SYMPK: variants seen among roughly 807,000 people sequenced by gnomAD.
The protein encoded by SYMPK is symplekin scaffold protein, also known as symplekin.
Under a neutral mutation model 136.4 loss-of-function variants are expected in SYMPK, and 49 were observed. The observed-to-expected ratio is 0.36, with a 90% CI of 0.29 to 0.46. SYMPK has a LOEUF of 0.46. Among genes scored for constraint, SYMPK ranks in the 20% least tolerant of loss-of-function variants. SYMPK has a pLI of 1.00. For missense variants in SYMPK, 1,365 were observed against 1,690.0 expected, an observed-to-expected ratio of 0.81 and a Z score of 3.37; for synonymous variants, 766 against 713.0, an observed-to-expected ratio of 1.07 and a Z score of -1.19.
In SYMPK at chr19:45,831,480, G is replaced by A. The variant is rs186314633; in HGVS notation, c.1502C>T (p.Ser501Leu). The A allele has an allele frequency of 1.2e-5, 19 of 1,610,730 alleles. No homozygotes were observed. Among genetic ancestry groups the A allele is most frequent in the Admixed American group, 6.7e-5 (4 of 59,644 alleles). ...CATGGAGCTCAGGGAACCCACCACC[G>A]AGATGGCTTGGCCCTGGGCTGACAG... Reference protein sequence around the residue: ...RRLSAQGQAISVVGSLSSMSP... With the variant: ...RRLSAQGQAILVVGSLSSMSP... Residue 501 changes from serine to leucine, a missense_variant, in exon 12 of 27, where the codon TCG becomes TTG. Transcript: ENST00000245934.
intron 7 of SYMPK, 138 bp from the exon 8 acceptor site, chr19:45,844,338 T>C (rs1285538846): frequency 1.6e-6 from 1 of 644,496 alleles, no homozygotes; most frequent in Non-Finnish European, 2.5e-6. Context: ...GAAAATGTGG[T>C]GGTTGATTAG....
At chr19:45,823,275 C>T in intron 20 of SYMPK, 97 bp downstream of exon 20, 5 of 1,249,346 alleles carry the variant, frequency 4.0e-6, no homozygotes, top group Non-Finnish European at 2.3e-6. Flanking sequence ...CTGCTATGTG[C>T]CTCTGGCTCA....
chr19:45,860,405 C>A (rs1971935918), intron 1 of SYMPK, among the ~76,000 whole-genome samples: 2 of 151,308 alleles, frequency 1.3e-5, no homozygotes, highest in South Asian at 4.2e-4. Flanking sequence ...TTGCAGTGAG[C>A]CGAGGTCACA....
At chr19:45,852,262 A>T in intron 5 of SYMPK, 50 bp downstream of exon 5, 2 of 1,605,334 alleles carry the variant, frequency 1.2e-6, no homozygotes, top group South Asian at 2.2e-5. Context: ...CACGAGCTGA[A>T]GGCTGCCACC....
At chr19:45,852,870 A>C (rs962215921) in intron 3 of SYMPK, among the ~76,000 whole-genome samples, 5 of 152,180 alleles carry the variant, frequency 3.3e-5, no homozygotes, top group Non-Finnish European at 7.3e-5. Context: ...CCCAAGGCTC[A>C]GGCCTTCCTG....
chr19:45,854,087 G>C, intron 3 of SYMPK, 88 bp downstream of exon 3: 1 of 1,252,286 alleles, frequency 8.0e-7, no homozygotes, highest in Non-Finnish European at 1.2e-6. Flanking sequence ...TGTAAATGTG[G>C]ACACTGGTGT....
intron 8 of SYMPK, 73 bp downstream of exon 8, chr19:45,843,957 A>C: frequency 9.7e-7 from 1 of 1,028,196 alleles, no homozygotes; most frequent in East Asian, 4.0e-5. Context: ...AAAAAAAAAA[A>C]AAAAAAAAAA....
At chr19:45,835,300 AAT>A in intron 10 of SYMPK, 72 bp from the exon 11 acceptor site, 1 of 1,455,704 alleles carries the variant, frequency 6.9e-7, no homozygotes, top group Non-Finnish European at 9.2e-7. Flanking sequence ...TGCCCATGCC[AAT>A]ACTGGGGAAA....
In SYMPK at chr19:45,835,106, T is replaced by C; in HGVS notation, c.1365A>G (p.Thr455=). The C allele has an allele frequency of 1.9e-6, 3 of 1,610,950 alleles. No homozygotes were observed. Among genetic ancestry groups the C allele is most frequent in the Non-Finnish European group, 2.5e-6 (3 of 1,178,228 alleles). The change falls in exon 11 of 27, where the codon ACA becomes ACG. Residue 455 remains threonine, a synonymous_variant. Coordinates refer to ENST00000245934, the MANE Select transcript of SYMPK (RefSeq NM_004819.3). The part of the protein sequence containing the change: ...QIKHLARLMA[T]QMTAAGLGPG... ...GTCCCAGTCCGGCAGCTGTCATCTG[T>C]GTGGCCATGAGCCGAGCCAGGTGCT...
chr19:45,835,917 TAAAGAAAG>T (rs71340704), intron 10 of SYMPK, among the ~76,000 whole-genome samples: 211 of 147,916 alleles, frequency 1.4e-3, no homozygotes, highest in African/African-American at 4.7e-3. Context: ...ATCTCATTCA[TAAAGAAAG>T]AAAGAAAGAA....
At chr19:45,860,982 A>G (rs1390134572) in intron 1 of SYMPK, among the ~76,000 whole-genome samples, 1 of 152,242 alleles carries the variant, frequency 6.6e-6, no homozygotes, top group Non-Finnish European at 1.5e-5. Context: ...CCTTACCACT[A>G]TGCTACAGTA....
At chr19:45,816,390 C>A (rs1467376790) in intron 25 of SYMPK, 92 bp downstream of exon 25, 1 of 1,472,240 alleles carries the variant, frequency 6.8e-7, no homozygotes, top group Non-Finnish European at 9.0e-7. Context: ...CTGAGTCTCT[C>A]GGGGTCAGGA....
intron 21 of SYMPK, among the ~76,000 whole-genome samples, chr19:45,822,438 G>A (rs914991464): frequency 6.6e-5 from 10 of 152,142 alleles, no homozygotes; most frequent in Non-Finnish European, 1.3e-4. Flanking sequence ...TGAGGGATTC[G>A]GGCAAGATCT....
At chr19:45,822,962 G>T in intron 20 of SYMPK, 116 bp from the exon 21 acceptor site, 1 of 815,752 alleles carries the variant, frequency 1.2e-6, no homozygotes. Flanking sequence ...CTGGCTCACT[G>T]AGCCCCTCCT....
rs1014541993 is a variant in SYMPK, at chr19:45,835,825, T to C, written c.1243-597A>G. On this transcript the variant is annotated intron_variant, in intron 10 of 26. Transcript: ENST00000245934. ...TACTCGGGAGGCTGAGGCAGGATAA[T>C]TGCTTGAATCCAGGCGGCAGCAGTT... 4.0e-5 allele frequency among the ~76,000 whole-genome samples: 6 copies of C among 151,884 alleles called. 1 individual carries two copies. In the South Asian group the frequency reaches 1.2e-3, roughly 32 times the overall value.
intron 23 of SYMPK, 31 bp downstream of exon 23, chr19:45,817,928 C>T (rs749684359): frequency 6.5e-7 from 1 of 1,530,984 alleles, no homozygotes; most frequent in Non-Finnish European, 8.8e-7. Flanking sequence ...CTGTCTGCAG[C>T]CTGGAGGCGG....
At position 45,825,153 on chromosome 19, in the gene SYMPK, T is replaced by G; in HGVS notation, c.2490+18A>C. On this transcript the variant is annotated intron_variant, in intron 18 of 26. Transcript: ENST00000245934. ...TTGCCCGTGGGTGGGCAGGGCCTGG[T>G]GGGCTCAGGGGCCTCACCGGCTGCT... 6.2e-7 allele frequency: 1 copy of G among 1,608,204 alleles called. No individual in the cohort carries two copies. The highest frequency in any genetic ancestry group is 8.5e-7 in the Non-Finnish European group (1 of 1,177,390).
At chr19:45,836,799 C>G (rs988581723) in intron 10 of SYMPK, among the ~76,000 whole-genome samples, 1 of 152,044 alleles carries the variant, frequency 6.6e-6, no homozygotes, top group Non-Finnish European at 1.5e-5. Flanking sequence ...CCACCATGCC[C>G]GGCTAATTTT....
Position 45,824,613 on chromosome 19 carries a change from G to A in SYMPK, c.2490+558C>T, listed in dbSNP as rs1235107558. On this transcript the variant is annotated intron_variant, in intron 18 of 26. Transcript: ENST00000245934. ...CGAAAATGTTCTGTAATCCAAAAAT[G>A]TCAGGGGCAGAAAGAAAAAAAGTGG... Among the ~76,000 whole-genome samples, 11 of 152,270 alleles carry A rather than the reference G, an allele frequency of 7.2e-5. No individual in the cohort carries two copies. The South Asian group carries it at 1.5e-3, about 20-fold the overall frequency.
Sources: gnomAD v4.1 joint callset for allele counts (sites outside exome capture counted in the v4.1 genomes callset) on GRCh38, gnomAD v4.1.1 for gene constraint, MANE v1.5 for transcripts, NCBI Gene and HGNC (gene_info 2026-07-23, HGNC 2026-07-21) for gene names.